Variants in IGSF3 observed in about 807,000 individuals in gnomAD.
The protein encoded by IGSF3 is glu-Trp-Ile EWI motif-containing protein 3.
IGSF3 carries 23 observed loss-of-function variants against 114.4 expected under a neutral mutation model. The observed-to-expected ratio is 0.20, with a 90% CI of 0.14 to 0.28. The LOEUF (loss-of-function observed/expected upper bound fraction) is 0.28. Among genes scored for constraint, IGSF3 ranks in the 10% least tolerant of loss-of-function variants. IGSF3 has a pLI of 1.00. For synonymous variants in IGSF3, 571 were observed against 645.2 expected, an observed-to-expected ratio of 0.88 and a Z score of 1.74; for missense variants, 1,172 against 1,591.5, an observed-to-expected ratio of 0.74 and a Z score of 4.48.
chr1:116,579,546 C>A lies in IGSF3; in HGVS notation c.3180G>T (p.Pro1060=). 1 of 1,614,148 alleles carries A rather than the reference C, an allele frequency of 6.2e-7. No homozygotes were observed. The highest frequency in any genetic ancestry group is 8.5e-7 in the Non-Finnish European group (1 of 1,180,026). The part of the protein sequence containing the change: ...EGRLRFQRLS[P]VLYRLTVLQA... ...GCAGCACTGTGAGCCGGTAGAGCACCGGGGAGAGCCTCTGGAAGCGAAGCC... is the reference window on the plus strand; with the variant it reads ...GCAGCACTGTGAGCCGGTAGAGCACAGGGGAGAGCCTCTGGAAGCGAAGCC... Residue 1060 remains proline (P), a synonymous_variant, in exon 10 of 11, where the codon CCG becomes CCT. Coordinates refer to ENST00000369486, the MANE Select transcript of IGSF3 (RefSeq NM_001007237.3). The surrounding 1 kb of genome is among the most constrained non-coding windows in gnomAD (Gnocchi z 6.4).
Position 116,585,157 on chromosome 1 carries a change from G to A in IGSF3, c.2441-105C>T, listed in dbSNP as rs1445496602. 3.8e-6 allele frequency: 3 copies of A among 794,910 alleles called. No individual in the cohort carries two copies. The highest frequency in any genetic ancestry group is 2.7e-5 in the Admixed American group (1 of 37,592). The allele number at this position is 794,910 out of a possible 1,614,324, so 49.2% of individuals were successfully genotyped here. A position where few individuals can be genotyped will look rare whatever the true frequency, so the allele number is the denominator to read the frequency against. On this transcript the variant is annotated intron_variant, in intron 8 of 10. Coordinates refer to ENST00000369486, the MANE Select transcript of IGSF3 (RefSeq NM_001007237.3). The surrounding 1 kb of genome is among the most constrained non-coding windows in gnomAD (Gnocchi z 4.9). ...GGATGCCTTCCAAATACAGAAGGAC[G>A]GCAGCACACACTCCATTAGGAGAAA...
intron 2 of IGSF3, among the ~76,000 whole-genome samples, chr1:116,660,024 C>T (rs537686207): frequency 4.3e-4 from 65 of 152,298 alleles, no homozygotes; most frequent in Admixed American, 7.8e-4. Flanking sequence ...CTCCAGTTCC[C>T]AGGCTGGGGC....
rs770332880 is a variant in IGSF3, at chr1:116,595,382, C to T, written c.2029+4559G>A. Among the ~76,000 whole-genome samples, 3 of 152,226 alleles carry T rather than the reference C, an allele frequency of 2.0e-5. No individual in the cohort carries two copies. Among genetic ancestry groups the T allele is most frequent in the Non-Finnish European group, 4.4e-5 (3 of 68,008 alleles). Reference sequence around the variant, plus strand: ...TGGAAGAAGGAGAACCCCAGACTCCCCTGAAAGAAGGCAGAGGCCAGTCCT... The same window carrying T: ...TGGAAGAAGGAGAACCCCAGACTCCTCTGAAAGAAGGCAGAGGCCAGTCCT... On this transcript the variant is annotated intron_variant, in intron 7 of 10. Coordinates refer to ENST00000369486, the MANE Select transcript of IGSF3 (RefSeq NM_001007237.3). The surrounding 1 kb of genome is among the most constrained non-coding windows in gnomAD (Gnocchi z 4.2).
chr1:116,596,179 G>C lies in IGSF3; in HGVS notation c.2029+3762C>G, dbSNP rs544842001. 6.6e-6 allele frequency among the ~76,000 whole-genome samples: 1 copy of C among 152,356 alleles called. No individual in the cohort carries two copies. The highest frequency in any genetic ancestry group is 1.5e-5 in the Non-Finnish European group (1 of 68,032). ...TGGGGCACAGACCACAAAGAAGCTTGCTGCGATAAATGATATCACAGCAGT... is the reference window on the plus strand; with the variant it reads ...TGGGGCACAGACCACAAAGAAGCTTCCTGCGATAAATGATATCACAGCAGT... On this transcript the variant is annotated intron_variant, in intron 7 of 10. Transcript: ENST00000369486. This position sits in a 1 kb window ranked among gnomAD's most constrained non-coding sequence, Gnocchi z 4.1.
chr1:116,578,473 G>A (rs1007773873), intron 10 of IGSF3, among the ~76,000 whole-genome samples: 1 of 152,144 alleles, frequency 6.6e-6, no homozygotes, highest in African/African-American at 2.4e-5. Flanking sequence ...TTTCCAAAGT[G>A]TATGAAACTG....
Position 116,595,709 on chromosome 1 carries a change from A to G in IGSF3, c.2029+4232T>C, listed in dbSNP as rs192290114. Among the ~76,000 whole-genome samples, 4 of 152,374 alleles carry G rather than the reference A, an allele frequency of 2.6e-5. No homozygotes were observed. Among genetic ancestry groups the G allele is most frequent in the African/African-American group, 7.2e-5 (3 of 41,584 alleles). Reference sequence around the variant, plus strand: ...TTAATGTACAATATTTAATAGCCAAACCAAGATATTGTCATAAACATTTGG... The same window carrying G: ...TTAATGTACAATATTTAATAGCCAAGCCAAGATATTGTCATAAACATTTGG... On this transcript the variant is annotated intron_variant, in intron 7 of 10. Transcript: ENST00000369486. The surrounding 1 kb of genome is among the most constrained non-coding windows in gnomAD (Gnocchi z 4.2).
At chr1:116,659,127 G>A (rs1183875814) in intron 2 of IGSF3, among the ~76,000 whole-genome samples, 1 of 152,076 alleles carries the variant, frequency 6.6e-6, no homozygotes, top group Non-Finnish European at 1.5e-5. Context: ...ATCTTGCAGT[G>A]CCCCAGGCTC....
At position 116,608,124 on chromosome 1, in the gene IGSF3, C is replaced by T. The variant is rs754406199; in HGVS notation, c.1040G>A (p.Gly347Glu). The T allele has an allele frequency of 6.2e-7, 1 of 1,613,932 alleles. No individual in the cohort carries two copies. The highest frequency in any genetic ancestry group is 8.5e-7 in the Non-Finnish European group (1 of 1,179,842). ...NSEFAHREAR[G>E]QLKVAKESDS... The stretch of plus-strand genomic sequence containing the variant: ...GCTCTCTTTGGCCACCTTAAGCTGT[C>T]CCCTGGCTTCCCGGTGAGCAAATTC... Residue 347 changes from glycine to glutamate, a missense_variant, in exon 5 of 11, where the codon GGA (glycine) becomes GAA (glutamate). Gly to Glu is a moderately conservative substitution (Grantham distance 98). Transcript: ENST00000369486.
intron 9 of IGSF3, among the ~76,000 whole-genome samples, chr1:116,580,540 G>A (rs1187417483): frequency 6.6e-6 from 1 of 152,226 alleles, no homozygotes; most frequent in Non-Finnish European, 1.5e-5. Flanking sequence ...ATAAGAAGAA[G>A]AAGAGAGATC....
intron 2 of IGSF3, among the ~76,000 whole-genome samples, chr1:116,641,108 G>A (rs1218584249): frequency 6.6e-6 from 1 of 152,196 alleles, no homozygotes; most frequent in Non-Finnish European, 1.5e-5. Flanking sequence ...GATTGGACAT[G>A]AGCTGATAAT....
chr1:116,632,938 G>T lies in IGSF3; in HGVS notation c.44-16481C>A, dbSNP rs566880206. Among the ~76,000 whole-genome samples, 35 of 152,336 alleles carry T rather than the reference G, an allele frequency of 2.3e-4. No individual in the cohort carries two copies. The highest frequency in any genetic ancestry group is 8.2e-4 in the African/African-American group (34 of 41,572). On this transcript the variant is annotated intron_variant, in intron 2 of 10. Coordinates refer to ENST00000369486, the MANE Select transcript of IGSF3 (RefSeq NM_001007237.3). This position sits in a 1 kb window ranked among gnomAD's most constrained non-coding sequence, Gnocchi z 5.1. Reference sequence around the variant, plus strand: ...AGGCAAAATTCCAGAAGAGACACTGGGACCTGTGTGGAGAGTTTCTTCACT... The same window carrying T: ...AGGCAAAATTCCAGAAGAGACACTGTGACCTGTGTGGAGAGTTTCTTCACT...
rs1168919180 is a variant in IGSF3, at chr1:116,595,531, T to G, written c.2029+4410A>C. ...AATCTGCCGGGTCAGCAATAAGAAA[T>G]AGAAGAAAACCGATTTGGCAACATC... On this transcript the variant is annotated intron_variant, in intron 7 of 10. Coordinates refer to ENST00000369486, the MANE Select transcript of IGSF3 (RefSeq NM_001007237.3). The surrounding 1 kb of genome is among the most constrained non-coding windows in gnomAD (Gnocchi z 4.2). 6.6e-6 allele frequency among the ~76,000 whole-genome samples: 1 copy of G among 152,064 alleles called. No individual in the cohort carries two copies. Among genetic ancestry groups the G allele is most frequent in the Non-Finnish European group, 1.5e-5 (1 of 68,018 alleles).
intron 7 of IGSF3, among the ~76,000 whole-genome samples, chr1:116,597,253 T>C (rs1375125226): frequency 6.6e-6 from 1 of 152,236 alleles, no homozygotes; most frequent in Non-Finnish European, 1.5e-5. Context: ...TGAGGTAATA[T>C]ACACCAAGTG....
intron 2 of IGSF3, chr1:116,617,151 C>CTGT (rs1285557543): frequency 9.2e-4 from 224 of 243,994 alleles, no homozygotes; most frequent in Middle Eastern, 4.3e-3. Context: ...AAGGGGGGAA[C>CTGT]TAACAGTGCC....
chr1:116,601,287 C>T (rs1660575400), intron 6 of IGSF3, among the ~76,000 whole-genome samples: 2 of 152,176 alleles, frequency 1.3e-5, no homozygotes, highest in African/African-American at 4.8e-5. Flanking sequence ...GAGTTAGTCT[C>T]CAACCACATG....
rs182277539 is a variant in IGSF3 at position 116,582,767 on chromosome 1, T to C, written c.2848+1878A>G. Among the ~76,000 whole-genome samples the C allele has an allele frequency of 9.8e-5, 15 of 152,346 alleles. No individual in the cohort carries two copies. The highest frequency in any genetic ancestry group is 7.2e-4 in the Admixed American group (11 of 15,302). On this transcript the variant is annotated intron_variant, in intron 9 of 10. Transcript: ENST00000369486. This position sits in a 1 kb window ranked among gnomAD's most constrained non-coding sequence, Gnocchi z 4.7. ...AGTTTGTTTACAGACAGAGGAAATA[T>C]GAAGACATGAGGCAAAGACCAAAAA...
intron 9 of IGSF3, among the ~76,000 whole-genome samples, chr1:116,581,467 A>T (rs1659599604): frequency 6.6e-6 from 1 of 152,198 alleles, no homozygotes; most frequent in Middle Eastern, 3.4e-3. Context: ...AAGTAGAGAT[A>T]CCAAATCAGA....
intron 2 of IGSF3, among the ~76,000 whole-genome samples, chr1:116,637,058 T>C (rs920816999): frequency 1.3e-5 from 2 of 152,156 alleles, no homozygotes; most frequent in African/African-American, 4.8e-5. Context: ...CCACCCTCAC[T>C]GATCACAGAC....
chr1:116,609,302 AGTGGCATGATC>A (rs951380917), intron 4 of IGSF3, among the ~76,000 whole-genome samples: 11 of 151,866 alleles, frequency 7.2e-5, no homozygotes, highest in Admixed American at 5.2e-4. Flanking sequence ...GCTGGAGTGT[AGTGGCATGATC>A]GTGGCTCACT....
Sources: allele counts gnomAD v4.1 joint callset (sites outside exome capture counted in the v4.1 genomes callset), GRCh38; gene constraint gnomAD v4.1.1; non-coding constraint Gnocchi (gnomAD v3.1); transcripts MANE v1.5; gene names NCBI Gene and HGNC (gene_info 2026-07-23, HGNC 2026-07-21).